Variants in COL27A1 observed in about 807,000 individuals in gnomAD.
COL27A1 encodes collagen type XXVII alpha 1 chain, also known as collagen alpha-1(XXVII) chain.
A neutral mutation model predicts 251.3 loss-of-function variants in COL27A1; 106 were observed. The observed-to-expected ratio is 0.42, with a 90% CI of 0.36 to 0.50. The LOEUF (loss-of-function observed/expected upper bound fraction) is 0.50. Ranked by LOEUF, COL27A1 falls within the 20% of genes least tolerant of loss-of-function variation. The probability of loss-of-function intolerance (pLI) is 0.00; values close to 1 mark genes in which losing one functional copy is unlikely to be tolerated. For missense variants in COL27A1, 2,325 were observed against 2,522.8 expected, an observed-to-expected ratio of 0.92 and a Z score of 1.68; for synonymous variants, 1,000 against 986.3, an observed-to-expected ratio of 1.01 and a Z score of -0.26.
At position 114,282,306 on chromosome 9, in the gene COL27A1, C is replaced by T. The variant is rs200162485; in HGVS notation, c.3747C>T (p.Gly1249=). The T allele has an allele frequency of 6.8e-4, 1,095 of 1,613,956 alleles. 13 individuals are homozygous for T. In the South Asian group the frequency reaches 0.011, roughly 16 times the overall value. ...RGPEGKSGKQ[G]EKGRTGAKGA... is the part of the protein sequence containing the mutation. ...CTGAAGGAAAATCAGGGAAGCAAGG[C>T]GAGAAGGGCCGCACTGGAGCCAAGG... The change falls in exon 38 of 61, where the codon GGC becomes GGT. Residue 1249 remains glycine, a synonymous_variant. Transcript: ENST00000356083.
At chr9:114,223,185 T>G (rs1259610228) in intron 14 of COL27A1, among the ~76,000 whole-genome samples, 1 of 152,132 alleles carries the variant, frequency 6.6e-6, no homozygotes, top group Non-Finnish European at 1.5e-5. Flanking sequence ...ACTCCAAGTG[T>G]CCCCATAATC....
chr9:114,209,503 T>G (rs1306463073), intron 10 of COL27A1, 172 bp from the exon 11 acceptor site: 1 of 782,260 alleles, frequency 1.3e-6, no homozygotes, highest in Non-Finnish European at 2.4e-6. Context: ...CATGGGCATA[T>G]ACACTTGCCT....
intron 12 of COL27A1, among the ~76,000 whole-genome samples, chr9:114,215,903 C>T (rs1267828833): frequency 3.3e-5 from 5 of 152,172 alleles, no homozygotes; most frequent in Admixed American, 3.3e-4. Flanking sequence ...GTTTTGCAGG[C>T]CAGGGACCTG....
At chr9:114,299,376 T>C (rs1687400) in intron 49 of COL27A1, among the ~76,000 whole-genome samples, 91,455 of 152,156 alleles carry the variant, frequency 0.6, 29,385 homozygotes, top group East Asian at 0.91. Flanking sequence ...CTCTTCTGCC[T>C]CCAGGGGCCC....
chr9:114,168,018 C>T lies in COL27A1; in HGVS notation c.463C>T (p.Arg155Cys), dbSNP rs571516072. Residue 155 changes from arginine to cysteine, a missense_variant, in exon 3 of 61, where the codon CGC (arginine) becomes TGC (cysteine). Physicochemically the swap from Arg to Cys is radical, Grantham distance 180. Coordinates refer to ENST00000356083, the MANE Select transcript of COL27A1 (RefSeq NM_032888.4). ...VAFDLDMHDG[R>C]WHHLALELRG... ...CTTCGACCTCGACATGCACGACGGG[C>T]GCTGGCACCACCTGGCCCTCGAGCT... The T allele has an allele frequency of 2.1e-5, 33 of 1,604,508 alleles. No homozygotes were observed. Among genetic ancestry groups the T allele is most frequent in the Middle Eastern group, 3.3e-4 (2 of 6,078 alleles).
chr9:114,219,951 C>A (rs1830963811), intron 13 of COL27A1, 107 bp downstream of exon 13: 4 of 833,256 alleles, frequency 4.8e-6, no homozygotes, highest in Non-Finnish European at 2.1e-6. Context: ...CAAATCCCAG[C>A]CCTGTGAAGT....
intron 49 of COL27A1, among the ~76,000 whole-genome samples, chr9:114,295,560 C>G (rs556704152): frequency 6.6e-6 from 1 of 152,120 alleles, no homozygotes; most frequent in Non-Finnish European, 1.5e-5. Context: ...GCAGTCATCA[C>G]GAAACTGTGG....
At chr9:114,178,411 A>C in intron 4 of COL27A1, 67 bp downstream of exon 4, 1 of 1,429,594 alleles carries the variant, frequency 7.0e-7, no homozygotes, top group Middle Eastern at 1.8e-4. Context: ...ACTGCCCCTG[A>C]GGTCTCGGGT....
intron 1 of COL27A1, among the ~76,000 whole-genome samples, chr9:114,158,789 C>T (rs1278363892): frequency 6.6e-6 from 1 of 152,214 alleles, no homozygotes; most frequent in Non-Finnish European, 1.5e-5. Context: ...CATCTCTGTT[C>T]CTGCTGGTGA....
chr9:114,210,960 C>G, intron 11 of COL27A1, 22 bp from the exon 12 acceptor site: 1 of 1,613,978 alleles, frequency 6.2e-7, no homozygotes, highest in Non-Finnish European at 8.5e-7. Context: ...GCCCTGACCT[C>G]TCCCCTGTCT....
At chr9:114,173,890 C>T (rs1011503210) in intron 3 of COL27A1, among the ~76,000 whole-genome samples, 9 of 151,600 alleles carry the variant, frequency 5.9e-5, no homozygotes, top group South Asian at 4.2e-4. Flanking sequence ...TGGGGTTAGT[C>T]GGTGGAGCAG....
At chr9:114,265,794 G>T (rs1834700332) in intron 32 of COL27A1, among the ~76,000 whole-genome samples, 1 of 152,230 alleles carries the variant, frequency 6.6e-6, no homozygotes, top group Non-Finnish European at 1.5e-5. Flanking sequence ...GGGAGGTGAA[G>T]ATAAGAGTAA....
In COL27A1 at chr9:114,169,440, C is replaced by T. The variant is rs776212698; in HGVS notation, c.1885C>T (p.Pro629Ser). 3.2e-6 allele frequency: 5 copies of T among 1,547,630 alleles called. No homozygotes were observed. The highest frequency in any genetic ancestry group is 3.5e-6 in the Non-Finnish European group (4 of 1,148,916). The change falls in exon 3 of 61, where the codon CCC (proline) becomes TCC (serine). Residue 629 changes from proline (P) to serine (S), a missense_variant. Transcript: ENST00000356083. The part of the protein sequence containing the change: ...PFPLLMGPPG[P>S]KGDCGLPGPP... ...CCCTCTGCTGATGGGGCCTCCGGGA[C>T]CCAAGGGAGACTGTGGCTTGCCGGT...
intron 35 of COL27A1, among the ~76,000 whole-genome samples, chr9:114,269,994 G>A (rs1017112001): frequency 2.6e-5 from 4 of 152,188 alleles, no homozygotes; most frequent in Admixed American, 6.5e-5. Flanking sequence ...CTCTAGAGCT[G>A]GAAGGGCAAG....
intron 37 of COL27A1, among the ~76,000 whole-genome samples, chr9:114,281,533 CT>C (rs1292333775): frequency 6.6e-6 from 1 of 152,228 alleles, no homozygotes; most frequent in African/African-American, 2.4e-5. Context: ...GGCAGCTGAC[CT>C]TTCCAGCACA....
intron 27 of COL27A1, among the ~76,000 whole-genome samples, chr9:114,257,270 G>A (rs1012090315): frequency 9.9e-5 from 15 of 152,020 alleles, no homozygotes; most frequent in African/African-American, 3.1e-4. Context: ...GAATTGCTGC[G>A]GAGCTGGGAG....
chr9:114,276,227 T>C (rs1588850868), intron 37 of COL27A1, among the ~76,000 whole-genome samples: 1 of 152,370 alleles, frequency 6.6e-6, no homozygotes, highest in East Asian at 1.9e-4. Flanking sequence ...GGCTGGGCCA[T>C]GAGCCCTCAG....
chr9:114,202,200 G>C (rs1043656101), intron 7 of COL27A1, among the ~76,000 whole-genome samples: 8 of 152,232 alleles, frequency 5.3e-5, no homozygotes, highest in African/African-American at 1.9e-4. Context: ...TTTCACTGGA[G>C]AAATGCCTCT....
intron 24 of COL27A1, among the ~76,000 whole-genome samples, chr9:114,248,295 G>A (rs1833284562): frequency 6.6e-6 from 1 of 152,228 alleles, no homozygotes. Context: ...GGGCAGCCAC[G>A]CATATAAACA....
Sources: allele counts gnomAD v4.1 joint callset (sites outside exome capture counted in the v4.1 genomes callset), GRCh38; gene constraint gnomAD v4.1.1; transcripts MANE v1.5; gene names NCBI Gene and HGNC (gene_info 2026-07-23, HGNC 2026-07-21).